The following GRIA1 variants were observed in gnomAD, a reference collection of about 807,000 sequenced individuals.
GRIA1 encodes glutamate ionotropic receptor AMPA type subunit 1.
A neutral mutation model predicts 99.2 loss-of-function variants in GRIA1; 31 were observed. The ratio of observed to expected loss-of-function variants is 0.31; its 90% CI spans 0.23 to 0.42. The LOEUF is 0.42. Among genes scored for constraint, GRIA1 ranks in the 10% least tolerant of loss-of-function variants. The pLI is 1.00. For missense variants in GRIA1, 782 were observed against 1,157.5 expected, an observed-to-expected ratio of 0.68 and a Z score of 4.71; for synonymous variants, 438 against 432.4, an observed-to-expected ratio of 1.01 and a Z score of -0.16.
chr5:153,705,894 G>A lies in GRIA1; in HGVS notation c.1650G>A (p.Val550=). ...GCATTGTTTTTGCCTACATTGGAGT[G>A]AGTGTTGTCCTCTTCCTGGTCAGCC... The part of the protein sequence containing the change: ...WMCIVFAYIG[V]SVVLFLVSRF... The change falls in exon 11 of 16, where the codon GTG becomes GTA. Residue 550 remains valine (V), a synonymous_variant. Transcript: ENST00000285900. 1 of 1,613,998 alleles carries A rather than the reference G, an allele frequency of 6.2e-7. No individual in the cohort carries two copies. The highest frequency in any genetic ancestry group is 8.5e-7 in the Non-Finnish European group (1 of 1,179,974).
chr5:153,635,302 G>A (rs2910266), intron 2 of GRIA1, among the ~76,000 whole-genome samples: 32,322 of 152,088 alleles, frequency 0.21, 4,076 homozygotes, highest in Non-Finnish European at 0.28. Context: ...TGGTTCATTC[G>A]TGAACCAGCA....
intron 14 of GRIA1, among the ~76,000 whole-genome samples, chr5:153,800,919 G>T (rs946842739): frequency 1.3e-5 from 2 of 152,216 alleles, no homozygotes; most frequent in African/African-American, 4.8e-5. Flanking sequence ...ACATGGAGAG[G>T]TATAAAGGCC....
intron 11 of GRIA1, among the ~76,000 whole-genome samples, chr5:153,760,889 A>T (rs1450732636): frequency 6.6e-6 from 1 of 152,146 alleles, no homozygotes; most frequent in African/African-American, 2.4e-5. Flanking sequence ...ATTTACAGCC[A>T]ACTGATTTTC....
intron 2 of GRIA1, among the ~76,000 whole-genome samples, chr5:153,563,783 C>T (rs1347081636): frequency 6.6e-6 from 1 of 152,186 alleles, no homozygotes; most frequent in Non-Finnish European, 1.5e-5. Context: ...TCAAGGGAAA[C>T]AAATGTCTGG....
intron 8 of GRIA1, among the ~76,000 whole-genome samples, chr5:153,697,541 A>G (rs2149511619): frequency 6.6e-6 from 1 of 152,348 alleles, no homozygotes; most frequent in African/African-American, 2.4e-5. Context: ...TTTTAAAAAT[A>G]AAGGATAAAC....
chr5:153,789,111 C>T (rs1765146114), intron 13 of GRIA1, among the ~76,000 whole-genome samples: 1 of 152,124 alleles, frequency 6.6e-6, no homozygotes, highest in African/African-American at 2.4e-5. Flanking sequence ...CTAAATCACA[C>T]CTGCTTCAAT....
chr5:153,793,573 C>T (rs1038159908), intron 13 of GRIA1, among the ~76,000 whole-genome samples: 1 of 152,212 alleles, frequency 6.6e-6, no homozygotes, highest in African/African-American at 2.4e-5. Flanking sequence ...ACTCAGCCAA[C>T]AAAATTGTTC....
chr5:153,776,120 G>A (rs572879241), intron 13 of GRIA1, among the ~76,000 whole-genome samples: 1 of 152,246 alleles, frequency 6.6e-6, no homozygotes, highest in South Asian at 2.1e-4. Context: ...GGTGGTTTGC[G>A]ATACGCATCA....
intron 11 of GRIA1, among the ~76,000 whole-genome samples, chr5:153,754,646 T>C (rs998425536): frequency 2.6e-5 from 4 of 152,156 alleles, no homozygotes; most frequent in Non-Finnish European, 4.4e-5. Flanking sequence ...GAATACTTGG[T>C]TTGATGCCAT....
Position 153,686,319 on chromosome 5 carries a change from G to A in GRIA1, c.1124G>A (p.Gly375Asp). The change falls in exon 8 of 16, where the codon GGC becomes GAC. Residue 375 changes from glycine (G) to aspartate (D), a missense_variant. Gly to Asp is a moderately conservative substitution (Grantham distance 94, BLOSUM62 -1). Transcript: ENST00000285900. ...CACGTGATTGAAATGAAACATGACG[G>A]CATCCGAAAGGTAAGGTCCCCCTTT... ...TLHVIEMKHD[G>D]IRKIGYWNED... The A allele has an allele frequency of 6.2e-7, 1 of 1,612,654 alleles. No individual in the cohort carries two copies. The highest frequency in any genetic ancestry group is 8.5e-7 in the Non-Finnish European group (1 of 1,178,720).
chr5:153,689,567 G>A (rs2149501020), intron 8 of GRIA1, among the ~76,000 whole-genome samples: 1 of 152,308 alleles, frequency 6.6e-6, no homozygotes, highest in East Asian at 1.9e-4. Context: ...GGGTTATACT[G>A]AAGGTGCAAC....
intron 2 of GRIA1, among the ~76,000 whole-genome samples, chr5:153,606,341 A>T (rs569443292): frequency 2.6e-5 from 4 of 152,240 alleles, no homozygotes; most frequent in Admixed American, 6.5e-5. Flanking sequence ...TATCTGGAAC[A>T]GGAAGCTTTT....
intron 11 of GRIA1, among the ~76,000 whole-genome samples, chr5:153,753,553 C>G (rs1330066740): frequency 1.3e-5 from 2 of 152,126 alleles, no homozygotes; most frequent in African/African-American, 2.4e-5. Flanking sequence ...ACTCTGGGCT[C>G]GTCATCTTAG....
chr5:153,808,979 T>A (rs1231914150), intron 15 of GRIA1, among the ~76,000 whole-genome samples: 1 of 152,240 alleles, frequency 6.6e-6, no homozygotes, highest in Non-Finnish European at 1.5e-5. Flanking sequence ...TAAGACAAAT[T>A]CAGGAAGTAC....
chr5:153,522,353 A>C (rs940438052), intron 2 of GRIA1, among the ~76,000 whole-genome samples: 7 of 152,218 alleles, frequency 4.6e-5, no homozygotes, highest in Non-Finnish European at 1.0e-4. Context: ...TAGCCACTAT[A>C]GTTATTCCCA....
At chr5:153,602,746 G>A (rs866151511) in intron 2 of GRIA1, among the ~76,000 whole-genome samples, 2 of 152,074 alleles carry the variant, frequency 1.3e-5, no homozygotes, top group African/African-American at 2.4e-5. Context: ...ACATCTCTAC[G>A]ATGGAGGAAG....
chr5:153,701,922 C>T (rs918752045), intron 10 of GRIA1, among the ~76,000 whole-genome samples: 2 of 152,142 alleles, frequency 1.3e-5, no homozygotes, highest in Admixed American at 6.5e-5. Context: ...CATCGTGTAG[C>T]GTGTGCCAGG....
intron 11 of GRIA1, among the ~76,000 whole-genome samples, chr5:153,721,353 T>G (rs777580174): frequency 8.5e-5 from 13 of 152,224 alleles, no homozygotes; most frequent in Non-Finnish European, 1.5e-4. Flanking sequence ...ATTTTCTTTT[T>G]ATAAATTTTA....
intron 11 of GRIA1, among the ~76,000 whole-genome samples, chr5:153,752,186 T>C (rs911806690): frequency 2.0e-5 from 3 of 152,204 alleles, no homozygotes; most frequent in African/African-American, 7.2e-5. Flanking sequence ...AGAACTATGC[T>C]GGCAAAAGTT....
Sources: gnomAD v4.1 joint callset for allele counts (sites outside exome capture counted in the v4.1 genomes callset) on GRCh38, gnomAD v4.1.1 for gene constraint, MANE v1.5 for transcripts, NCBI Gene and HGNC (gene_info 2026-07-23, HGNC 2026-07-21) for gene names.